Variants in OMA1 observed in about 807,000 individuals in gnomAD.
The protein encoded by OMA1 is metalloendopeptidase OMA1, mitochondrial.
In OMA1, 38 loss-of-function variants were observed where a neutral mutation model predicts 30.9. That is an observed-to-expected ratio of 1.23 (90% confidence interval 0.95 to 1.61). The LOEUF (loss-of-function observed/expected upper bound fraction) is 1.61, where lower values mean the gene tolerates loss of function less well. Ranked by LOEUF, OMA1 falls within the 40% of genes most tolerant of loss-of-function variation. OMA1 has a pLI of 0.00. For missense variants in OMA1, 461 were observed against 349.2 expected (o/e 1.32, Z -2.55); for synonymous variants, 173 against 121.9 (o/e 1.42, Z -2.76).
intron 8 of OMA1, among the ~76,000 whole-genome samples, chr1:58,496,233 A>G (rs1468670552): frequency 6.6e-6 from 1 of 151,992 alleles, no homozygotes; most frequent in Non-Finnish European, 1.5e-5. Context: ...TTCCGCATCA[A>G]TGAGTCTTTG....
chr1:58,511,570 A>G (rs1646077246), intron 7 of OMA1, among the ~76,000 whole-genome samples: 1 of 152,082 alleles, frequency 6.6e-6, no homozygotes, highest in African/African-American at 2.4e-5. Flanking sequence ...TCGAGGCTAG[A>G]GTAAGCTGTG....
chr1:58,516,077 G>A (rs1266284789), intron 7 of OMA1, among the ~76,000 whole-genome samples: 1 of 152,126 alleles, frequency 6.6e-6, no homozygotes, highest in East Asian at 1.9e-4. Flanking sequence ...AACAGGCTTT[G>A]GGGATTACTC....
chr1:58,494,714 A>G (rs1645764988), intron 8 of OMA1, among the ~76,000 whole-genome samples: 2 of 152,086 alleles, frequency 1.3e-5, no homozygotes, highest in Non-Finnish European at 2.9e-5. Flanking sequence ...CAAAACCACA[A>G]TGAGATACCA....
chr1:58,525,811 C>T (rs1321314656), intron 7 of OMA1, among the ~76,000 whole-genome samples: 2 of 152,052 alleles, frequency 1.3e-5, no homozygotes, highest in South Asian at 2.1e-4. Flanking sequence ...CAGGTATCAA[C>T]ACTTACTACA....
chr1:58,536,837 C>T, intron 2 of OMA1, 96 bp from the exon 3 acceptor site: 3 of 701,538 alleles, frequency 4.3e-6, no homozygotes, highest in East Asian at 2.5e-5. Context: ...TCCTCAAATA[C>T]CTGAATTTGT....
At position 58,490,017 on chromosome 1, in the gene OMA1, T is replaced by C. The variant is rs543403318; in HGVS notation, c.1366-8843A>G. ...AAAAACAGAGCAGAAAAACTGAAAA[T>C]TCTAAAAATCAGAGTGCCTCTCCTC... is the stretch of plus-strand genomic sequence containing the variant. On this transcript the variant is annotated intron_variant, in intron 8 of 8. Coordinates refer to ENST00000371226, the MANE Select transcript of OMA1 (RefSeq NM_145243.5). Among the ~76,000 whole-genome samples the C allele has an allele frequency of 2.0e-5, 3 of 151,972 alleles. No individual in the cohort carries two copies. In the East Asian group the frequency reaches 5.8e-4, roughly 29 times the overall value.
chr1:58,503,379 T>C (rs1319022019), intron 8 of OMA1, among the ~76,000 whole-genome samples: 3 of 152,160 alleles, frequency 2.0e-5, no homozygotes, highest in Non-Finnish European at 2.9e-5. Context: ...ACTACCCTTT[T>C]AAGAGGAATA....
At chr1:58,541,614 C>A (rs1442075894) in intron 1 of OMA1, 11 of 65,630 alleles carry the variant, frequency 1.7e-4, no homozygotes, top group South Asian at 7.5e-4. Flanking sequence ...GAGAACCTGT[C>A]AAAAAAAAAA....
chr1:58,537,780 A>C (rs1330764490), intron 2 of OMA1, among the ~76,000 whole-genome samples: 1 of 152,232 alleles, frequency 6.6e-6, no homozygotes, highest in Admixed American at 6.5e-5. Flanking sequence ...CAAACTATCG[A>C]GTATACTTAT....
intron 8 of OMA1, among the ~76,000 whole-genome samples, chr1:58,494,533 A>G (rs1645760150): frequency 6.6e-6 from 1 of 152,200 alleles, no homozygotes; most frequent in Non-Finnish European, 1.5e-5. Context: ...ACAAAGGGCT[A>G]ATATCCAGAA....
intron 1 of OMA1, among the ~76,000 whole-genome samples, chr1:58,543,926 C>T (rs527707198): frequency 6.6e-6 from 1 of 152,250 alleles, no homozygotes; most frequent in Admixed American, 6.5e-5. Flanking sequence ...GTGACTGGTG[C>T]ATCTGAGGAA....
Position 58,530,581 on chromosome 1 carries a change from A to G in OMA1, c.1140+20T>C, listed in dbSNP as rs1218923246. On this transcript the variant is annotated intron_variant, in intron 6 of 8. Transcript: ENST00000371226. ...TTCACCAGAGGCTATGATCAATTCA[A>G]GTTATTGTCTCAGACTTACCTCCTG... 1 of 866,884 alleles carries G rather than the reference A, an allele frequency of 1.2e-6. No individual in the cohort carries two copies. The highest frequency in any genetic ancestry group is 1.3e-5 in the South Asian group (1 of 75,850). 53.7% of individuals were successfully genotyped at this position (866,884 alleles called of 1,614,324 possible). A position where few individuals can be genotyped will look rare whatever the true frequency, so the allele number is the denominator to read the frequency against.
chr1:58,530,598 T>TA lies in OMA1; in HGVS notation c.1140+2dup. ...TCAATTCAAGTTATTGTCTCAGACT[T>TA]ACCTCCTGCAATTTAGACTGTATCC... On this transcript the variant is annotated splice_region_variant and intron_variant, in intron 6 of 8. Transcript: ENST00000371226. The TA allele has an allele frequency of 1.1e-6, 1 of 871,596 alleles. No homozygotes were observed. The highest frequency in any genetic ancestry group is 2.0e-6 in the Non-Finnish European group (1 of 500,932). The allele number at this position is 871,596 out of a possible 1,614,324, so 54.0% of individuals were successfully genotyped here.
intron 1 of OMA1, among the ~76,000 whole-genome samples, chr1:58,542,800 G>A (rs60726128): frequency 0.15 from 22,999 of 152,048 alleles, 1,817 homozygotes; most frequent in Middle Eastern, 0.23. Flanking sequence ...AGGCTTAGAC[G>A]GCCACATTCA....
At chr1:58,499,314 C>CAAAAAAAAAAA (rs58217798) in intron 8 of OMA1, among the ~76,000 whole-genome samples, 3 of 69,734 alleles carry the variant, frequency 4.3e-5, no homozygotes, top group Non-Finnish European at 5.7e-5. Context: ...CACATCTCTA[C>CAAAAAAAAAAA]AAAAAAAAAA....
intron 7 of OMA1, among the ~76,000 whole-genome samples, chr1:58,514,731 T>TA (rs1646133660): frequency 6.6e-6 from 1 of 152,136 alleles, no homozygotes; most frequent in African/African-American, 2.4e-5. Context: ...TTATAAGATG[T>TA]AAAGGGACCA....
At position 58,480,897 on chromosome 1, in the gene OMA1, T is replaced by A. The variant is rs1645468862; in HGVS notation, c.*68A>T. On this transcript the variant is annotated 3_prime_UTR_variant, in exon 9 of 9. Coordinates refer to ENST00000371226, the MANE Select transcript of OMA1 (RefSeq NM_145243.5). ...TTTTTTCACTTCAAACATCATTTTT[T>A]AAAAAGTAACATAAAATGATAAGGA... 1 of 745,416 alleles carries A rather than the reference T, an allele frequency of 1.3e-6. No individual in the cohort carries two copies. The allele number at this position is 745,416 out of a possible 1,614,324, so 46.2% of individuals were successfully genotyped here.
At chr1:58,484,512 A>C (rs1349766680) in intron 8 of OMA1, among the ~76,000 whole-genome samples, 1 of 152,232 alleles carries the variant, frequency 6.6e-6, no homozygotes, top group East Asian at 1.9e-4. Flanking sequence ...AGATAATTAC[A>C]TAATTTCAAA....
At chr1:58,495,288 A>C (rs1645779628) in intron 8 of OMA1, among the ~76,000 whole-genome samples, 1 of 152,068 alleles carries the variant, frequency 6.6e-6, no homozygotes, top group South Asian at 2.1e-4. Context: ...AGGAGGAGGG[A>C]GGGATAGCAT....
Sources: gnomAD v4.1 joint callset for allele counts (sites outside exome capture counted in the v4.1 genomes callset) on GRCh38, gnomAD v4.1.1 for gene constraint, MANE v1.5 for transcripts, NCBI Gene and HGNC (gene_info 2026-07-23, HGNC 2026-07-21) for gene names.